CBARP: variants seen among roughly 807,000 people sequenced by gnomAD.
CBARP encodes the protein CACN subunit beta associated regulatory protein.
In CBARP, 24 loss-of-function variants were observed where a neutral mutation model predicts 36.3. That is an observed-to-expected ratio of 0.66 (90% confidence interval 0.48 to 0.93). The LOEUF (loss-of-function observed/expected upper bound fraction) is 0.93. Ranked by LOEUF, CBARP falls within the 40% of genes least tolerant of loss-of-function variation. CBARP has a pLI of 0.00. For synonymous variants in CBARP, 586 were observed against 453.2 expected (o/e 1.29, Z -3.72); for missense variants, 1,146 against 980.4 (o/e 1.17, Z -2.26).
chr19:1,234,222 G>C lies in CBARP; in HGVS notation c.737C>G (p.Ser246Trp). 1 of 1,519,538 alleles carries C rather than the reference G, an allele frequency of 6.6e-7. No individual in the cohort carries two copies. Among genetic ancestry groups the C allele is most frequent in the African/African-American group, 1.4e-5 (1 of 71,926 alleles). The allele number at this position is 1,519,538 out of a possible 1,614,324, so 94.1% of individuals were successfully genotyped here. ...GCCTTCCCCAGAGTCGCTAGATGCCGAGGGGCTGATCTCTGCGAAGTCAGT... is the reference window on the plus strand; with the variant it reads ...GCCTTCCCCAGAGTCGCTAGATGCCCAGGGGCTGATCTCTGCGAAGTCAGT... The part of the protein sequence containing the change: ...GATDFAEISP[S>W]ASSDSGEGTS... The change falls in exon 7 of 10, where the codon TCG becomes TGG. Residue 246 changes from serine (S) to tryptophan (W), a missense_variant. Transcript: ENST00000650044.
Position 1,228,581 on chromosome 19 carries a change from G to T in CBARP, c.*598C>A. 5.9e-6 allele frequency: 1 copy of T among 169,126 alleles called. No homozygotes were observed. Among genetic ancestry groups the T allele is most frequent in the South Asian group, 1.9e-4 (1 of 5,348 alleles). 10.5% of individuals were successfully genotyped at this position (169,126 alleles called of 1,614,324 possible). On this transcript the variant is annotated 3_prime_UTR_variant, in exon 10 of 10. Transcript: ENST00000650044. ...CCGGCGGCAGCAGCGGTGGCGGCGC[G>T]GTTATTGCTCGGAGGCGGCGCGGGC...
intron 4 of CBARP, 118 bp downstream of exon 4, chr19:1,235,383 C>T (rs751799593): frequency 5.7e-6 from 7 of 1,218,030 alleles, no homozygotes; most frequent in African/African-American, 3.1e-5. Context: ...AATCGAGCTG[C>T]GCCCAGTCTG....
At position 1,233,452 on chromosome 19, in the gene CBARP, T is replaced by G; in HGVS notation, c.953A>C (p.Gln318Pro). ...TCTCGTGTCCAGACTGGCTGCCCGC[T>G]GGCTGGGCTCCAGCTTCCACTTCTT... ...KVKKWKLEPS[Q>P]RAASLDTRGS... The change falls in exon 8 of 10, where the codon CAG becomes CCG. Residue 318 changes from glutamine (Q) to proline (P), a missense_variant. By Grantham distance (76) the Gln-to-Pro change is moderately conservative (BLOSUM62 -1). Transcript: ENST00000650044. The G allele has an allele frequency of 6.3e-7, 1 of 1,597,846 alleles. No individual in the cohort carries two copies. Among genetic ancestry groups the G allele is most frequent in the Non-Finnish European group, 8.5e-7 (1 of 1,172,658 alleles).
At chr19:1,230,921 C>T (rs1254400085) in intron 9 of CBARP, 180 bp downstream of exon 9, 1 of 1,579,536 alleles carries the variant, frequency 6.3e-7, no homozygotes, top group Non-Finnish European at 8.6e-7. Flanking sequence ...CTTCCCTCCT[C>T]TGGTCCATGC....
chr19:1,234,500 G>C (rs1410506061), intron 6 of CBARP, 71 bp downstream of exon 6: 6 of 1,492,556 alleles, frequency 4.0e-6, no homozygotes, highest in Non-Finnish European at 5.4e-6. Flanking sequence ...GGGTGAGGGC[G>C]TGGGGGTCCG....
In CBARP at chr19:1,233,512, G is replaced by C. The variant is rs978638740; in HGVS notation, c.893C>G (p.Ala298Gly). The change falls in exon 8 of 10, where the codon GCC becomes GGC. Residue 298 changes from alanine to glycine, a missense_variant. Coordinates refer to ENST00000650044, the MANE Select transcript of CBARP (RefSeq NM_001393918.1). ...LQFLTRLRRH[A>G]SLDGASPYFK... ...ATAGGGGCTGGCCCCATCCAGGCTG[G>C]CATGGCGGCGCAGGCGGGTGAGGAA... The C allele has an allele frequency of 6.2e-7, 1 of 1,606,766 alleles. No individual in the cohort carries two copies.
intron 1 of CBARP, among the ~76,000 whole-genome samples, chr19:1,237,320 C>G (rs942843707): frequency 1.8e-4 from 28 of 152,170 alleles, no homozygotes; most frequent in African/African-American, 6.3e-4. Flanking sequence ...TGAGTTCAGG[C>G]TGGAGGGGGT....
Position 1,229,026 on chromosome 19 carries a change from G to A in CBARP, c.*153C>T, listed in dbSNP as rs1309987457. ...GGGCTCTGCGCCTGCGCCCTGAAGC[G>A]GCGAGCGCGCCTCCGTCGCCCGGCG... On this transcript the variant is annotated 3_prime_UTR_variant, in exon 10 of 10. Transcript: ENST00000650044. This position sits in a 1 kb window ranked among gnomAD's most constrained non-coding sequence, Gnocchi z 5.1. The A allele has an allele frequency of 3.0e-5, 5 of 164,272 alleles. No homozygotes were observed. The highest frequency in any genetic ancestry group is 6.1e-5 in the Non-Finnish European group (5 of 82,126). 10.2% of individuals were successfully genotyped at this position (164,272 alleles called of 1,614,324 possible).
In CBARP at chr19:1,229,813, G is replaced by A. The variant is rs1251145767; in HGVS notation, c.1484C>T (p.Ala495Val). Residue 495 changes from alanine to valine, a missense_variant, in exon 10 of 10, where the codon GCG becomes GTG. By Grantham distance (64) the Ala-to-Val change is moderately conservative (BLOSUM62 0). Coordinates refer to ENST00000650044, the MANE Select transcript of CBARP (RefSeq NM_001393918.1). This position sits in a 1 kb window ranked among gnomAD's most constrained non-coding sequence, Gnocchi z 5.1. ...PPAPRPKDGE[A>V]RRLLQMDSGY... ...ACTGTCCATCTGCAGCAGCCGGCGCGCCTCGCCGTCCTTGGGCCGCGGCGC... is the reference window on the plus strand; with the variant it reads ...ACTGTCCATCTGCAGCAGCCGGCGCACCTCGCCGTCCTTGGGCCGCGGCGC... The A allele has an allele frequency of 1.5e-5, 15 of 994,200 alleles. No individual in the cohort carries two copies. In the South Asian group the frequency reaches 5.0e-4, roughly 33 times the overall value. 61.6% of individuals were successfully genotyped at this position (994,200 alleles called of 1,614,324 possible).
At chr19:1,238,102 C>T (rs1050887433), upstream of CBARP, 2 of 150,230 alleles carry the variant, frequency 1.3e-5, no homozygotes. Context: ...GCGGAGCCGC[C>T]CCCCGCACCC....
chr19:1,237,281 G>T (rs1016615531), intron 1 of CBARP, among the ~76,000 whole-genome samples: 2 of 152,228 alleles, frequency 1.3e-5, no homozygotes, highest in Non-Finnish European at 2.9e-5. Flanking sequence ...TGGTACTGGG[G>T]GAAGGGGCCG....
At chr19:1,230,189 C>G in intron 9 of CBARP, 47 bp from the exon 10 acceptor site, 6 of 995,768 alleles carry the variant, frequency 6.0e-6, no homozygotes, top group Non-Finnish European at 7.2e-6. Flanking sequence ...CCCCGCGCCC[C>G]CTACCCGGCC....
chr19:1,230,103 A>G lies in CBARP; in HGVS notation c.1194T>C (p.Asp398=). 1.9e-6 allele frequency: 2 copies of G among 1,075,160 alleles called. No individual in the cohort carries two copies. The highest frequency in any genetic ancestry group is 2.3e-6 in the Non-Finnish European group (2 of 881,744). 66.6% of individuals were successfully genotyped at this position (1,075,160 alleles called of 1,614,324 possible). A position where few individuals can be genotyped will look rare whatever the true frequency, so the allele number is the denominator to read the frequency against. The change falls in exon 10 of 10, where the codon GAT becomes GAC. Residue 398 remains aspartate, a synonymous_variant. Coordinates refer to ENST00000650044, the MANE Select transcript of CBARP (RefSeq NM_001393918.1). The part of the protein sequence containing the change: ...AAEAAGGASP[D]SPPERGAGSA... The stretch of plus-strand genomic sequence containing the variant: ...TGCCCGCGCCGCGCTCCGGGGGGGA[A>G]TCGGGGCTCGCTCCTCCCGCTGCCT...
In CBARP at chr19:1,229,410, GCGACCGTCGGGCGGGC is replaced by G; in HGVS notation, c.1871_1886del (p.Gly624AlafsTer199). 9.7e-7 allele frequency: 1 copy of G among 1,035,948 alleles called. No individual in the cohort carries two copies. Among genetic ancestry groups the G allele is most frequent in the Non-Finnish European group, 1.2e-6 (1 of 856,906 alleles). The allele number at this position is 1,035,948 out of a possible 1,614,324, so 64.2% of individuals were successfully genotyped here. On this transcript the variant is annotated frameshift_variant, in exon 10 of 10. Coordinates refer to ENST00000650044, the MANE Select transcript of CBARP (RefSeq NM_001393918.1). LOFTEE classifies it low-confidence loss of function (END_TRUNC). This position sits in a 1 kb window ranked among gnomAD's most constrained non-coding sequence, Gnocchi z 5.1. Reference sequence around the variant, plus strand: ...GGTCGTCGCCGGCGCCGCCCAGGGTGCGACCGTCGGGCGGGCCGTCCACGCTGTCGCCGCGCCGCAA... The same window carrying G: ...GGTCGTCGCCGGCGCCGCCCAGGGTGCGTCCACGCTGTCGCCGCGCCGCAA...
At chr19:1,235,469 C>T (rs778274409) in intron 4 of CBARP, 32 bp downstream of exon 4, 26 of 1,551,308 alleles carry the variant, frequency 1.7e-5, no homozygotes, top group East Asian at 4.7e-5. Flanking sequence ...GATGGACAGG[C>T]GAGCGCACAG....
chr19:1,235,009 C>A lies in CBARP; in HGVS notation c.447G>T (p.Lys149Asn). The A allele has an allele frequency of 6.2e-7, 1 of 1,606,748 alleles. No homozygotes were observed. Among genetic ancestry groups the A allele is most frequent in the Non-Finnish European group, 8.5e-7 (1 of 1,176,044 alleles). The change falls in exon 5 of 10, where the codon AAG (lysine) becomes AAT (asparagine). Residue 149 changes from lysine (K) to asparagine (N), a missense_variant. Physicochemically the swap from Lys to Asn is moderately conservative, Grantham distance 94. Transcript: ENST00000650044. The stretch of plus-strand genomic sequence containing the variant: ...AACGCCGCCCCGCTTACCGGCGACC[C>A]TTGTCCTGCGTCTTGCGGCTCTGCT... ...LFEQSRKTQD[K>N]GRRYTLTEGD...
chr19:1,235,418 C>A, intron 4 of CBARP, 83 bp downstream of exon 4: 1 of 1,383,904 alleles, frequency 7.2e-7, no homozygotes, highest in South Asian at 1.4e-5. Flanking sequence ...CAGACACAGA[C>A]GGTCAGGCAG....
In CBARP at chr19:1,231,243, G is replaced by A. The variant is rs757414200; in HGVS notation, c.1012C>T (p.Arg338Trp). Residue 338 changes from arginine (R) to tryptophan (W), a missense_variant, in exon 9 of 10, where the codon CGG becomes TGG. Arg to Trp is a moderately radical substitution (Grantham distance 101). Coordinates refer to ENST00000650044, the MANE Select transcript of CBARP (RefSeq NM_001393918.1). ...SPKRHHFQRQRAASESTEQEE... is the reference protein window; with the variant it reads ...SPKRHHFQRQWAASESTEQEE... ...TGCTCCGTGCTCTCACTGGCTGCCC[G>A]CTGCCGCTGGAAGTGGTGCCGCTTG... 168 of 1,601,636 alleles carry A rather than the reference G, an allele frequency of 1.0e-4. No individual in the cohort carries two copies. Among genetic ancestry groups the A allele is most frequent in the Non-Finnish European group, 1.3e-4 (159 of 1,179,538 alleles).
At chr19:1,236,872 G>C (rs896838289) in intron 1 of CBARP, among the ~76,000 whole-genome samples, 7 of 148,200 alleles carry the variant, frequency 4.7e-5, no homozygotes, top group Middle Eastern at 3.5e-3. Context: ...GGCGGCCTCG[G>C]GGGGGCGGGC....
Sources: gnomAD v4.1 joint callset for allele counts (sites outside exome capture counted in the v4.1 genomes callset) on GRCh38, gnomAD v4.1.1 for gene constraint, Gnocchi (gnomAD v3.1) non-coding constraint, MANE v1.5 for transcripts, NCBI Gene and HGNC (gene_info 2026-07-23, HGNC 2026-07-21) for gene names.